The following GSTM2 variants were observed in gnomAD, a reference collection of about 807,000 sequenced individuals.
The protein encoded by GSTM2 is GST class-mu 2.
In GSTM2, 33 loss-of-function variants were observed where a neutral mutation model predicts 33.3. That is an observed-to-expected ratio of 0.99 (90% CI 0.75 to 1.33). The LOEUF (loss-of-function observed/expected upper bound fraction) is 1.33, where lower values mean the gene tolerates loss of function less well. Among genes scored for constraint, GSTM2 ranks in the 40% most tolerant of loss-of-function variants. The pLI, the probability that GSTM2 is intolerant of heterozygous loss-of-function variation, is 0.00. For missense variants in GSTM2, 213 were observed against 265.8 expected (o/e 0.80, Z 1.38); for synonymous variants, 93 against 95.6 (o/e 0.97, Z 0.16).
rs140199111 is a variant in GSTM2 at position 109,668,149 on chromosome 1, G to A, written c.34G>A (p.Gly12Arg). The change falls in exon 1 of 8, where the codon GGG (glycine) becomes AGG (arginine). Residue 12 changes from glycine (G) to arginine (R), a missense_variant and splice_region_variant. Coordinates refer to ENST00000241337, the MANE Select transcript of GSTM2 (RefSeq NM_000848.4). ...GACACTGGGGTACTGGAACATCCGCGGGGTGAGCCAGGGTCCGCTGGGCGG... is the reference window on the plus strand; with the variant it reads ...GACACTGGGGTACTGGAACATCCGCAGGGTGAGCCAGGGTCCGCTGGGCGG... ...PMTLGYWNIR[G>R]LAHSIRLLLE... The A allele has an allele frequency of 6.2e-7, 1 of 1,613,650 alleles. No homozygotes were observed. The highest frequency in any genetic ancestry group is 8.5e-7 in the Non-Finnish European group (1 of 1,179,630).
chr1:109,669,457 C>T lies in GSTM2; in HGVS notation c.260-14C>T. On this transcript the variant is annotated splice_polypyrimidine_tract_variant and intron_variant, in intron 4 of 7. Coordinates refer to ENST00000241337, the MANE Select transcript of GSTM2 (RefSeq NM_000848.4). ...GGCTGTGAGGCTGAGAGTGAATCTG[C>T]TTTACGAGGGTAGGCGGGGAATCAG... 3 of 1,613,620 alleles carry T rather than the reference C, an allele frequency of 1.9e-6. No individual in the cohort carries two copies. The highest frequency in any genetic ancestry group is 2.5e-6 in the Non-Finnish European group (3 of 1,179,510).
chr1:109,669,421 C>A (rs753263838), intron 4 of GSTM2, 50 bp downstream of exon 4: 4 of 1,613,164 alleles, frequency 2.5e-6, no homozygotes, highest in Non-Finnish European at 3.4e-6. Context: ...GCCTCCTCCT[C>A]GGCTTGGCTG....
At chr1:109,670,257 A>G (rs1179505673) in intron 5 of GSTM2, 1 of 152,188 alleles carries the variant, frequency 6.6e-6, no homozygotes, top group Non-Finnish European at 1.5e-5. Flanking sequence ...ACCTTTAGCT[A>G]GACACAGAGC....
intron 7 of GSTM2, among the ~76,000 whole-genome samples, chr1:109,674,027 T>G (rs1336453584): frequency 6.6e-6 from 1 of 152,230 alleles, no homozygotes; most frequent in Admixed American, 6.5e-5. Context: ...AGATACCAGA[T>G]GGAGAACCTT....
rs777411280 is a variant in GSTM2, at chr1:109,671,296, A to C, written c.370A>C (p.Lys124Gln). 6.8e-6 allele frequency: 11 copies of C among 1,612,766 alleles called. No individual in the cohort carries two copies. Among genetic ancestry groups the C allele is most frequent in the Non-Finnish European group, 8.5e-7 (1 of 1,178,872 alleles). ...CTGTTTTCTGCCTCAGGAGAAACTG[A>C]AACCAGAATACCTGCAGGCACTCCC... The part of the protein sequence containing the change: ...LCYDPDFEKL[K>Q]PEYLQALPEM... Residue 124 changes from lysine to glutamine, a missense_variant, in exon 6 of 8, where the codon AAA becomes CAA. Coordinates refer to ENST00000241337, the MANE Select transcript of GSTM2 (RefSeq NM_000848.4).
intron 7 of GSTM2, among the ~76,000 whole-genome samples, chr1:109,674,325 T>C (rs139614270): frequency 0.012 from 1,863 of 151,928 alleles, 23 homozygotes; most frequent in Non-Finnish European, 0.019. Flanking sequence ...AGGCCAGAAC[T>C]GGAGAGAGAC....
chr1:109,677,464 C>G (rs12024479), downstream of GSTM2, among the ~76,000 whole-genome samples: 59,915 of 152,088 alleles, frequency 0.39, 12,535 homozygotes, highest in Non-Finnish European at 0.47. Context: ...AATACTTACT[C>G]TGGTATAATG....
At chr1:109,679,342 G>C, downstream of GSTM2, among the ~76,000 whole-genome samples, 1 of 151,978 alleles carries the variant, frequency 6.6e-6, no homozygotes, top group East Asian at 1.9e-4. Flanking sequence ...ATGGTGGTGG[G>C]CACCTGTAAT....
chr1:109,668,135 A>G lies in GSTM2; in HGVS notation c.20A>G (p.Tyr7Cys). MPMTLG[Y>C]WNIRGLAHSI... is the part of the protein sequence containing the mutation. ...AGCACCATGCCCATGACACTGGGGT[A>G]CTGGAACATCCGCGGGGTGAGCCAG... Residue 7 changes from tyrosine to cysteine, a missense_variant, in exon 1 of 8, where the codon TAC (tyrosine) becomes TGC (cysteine). Transcript: ENST00000241337. 6.2e-7 allele frequency: 1 copy of G among 1,613,718 alleles called. No individual in the cohort carries two copies. Among genetic ancestry groups the G allele is most frequent in the South Asian group, 1.1e-5 (1 of 91,082 alleles).
chr1:109,669,642 T>C, intron 5 of GSTM2, 71 bp downstream of exon 5: 1 of 964,908 alleles, frequency 1.0e-6, no homozygotes, highest in Non-Finnish European at 1.6e-6. Flanking sequence ...GCAGAGTTTG[T>C]GTCCAAAATT....
downstream of GSTM2, among the ~76,000 whole-genome samples, chr1:109,678,759 CAAA>C (rs1179423525): frequency 4.3e-5 from 3 of 69,696 alleles, no homozygotes; most frequent in Admixed American, 3.2e-4. Flanking sequence ...GACTCCCTCT[CAAA>C]AAAAAAAAAA....
At chr1:109,678,333 TG>T (rs1287109022), downstream of GSTM2, among the ~76,000 whole-genome samples, 1 of 152,084 alleles carries the variant, frequency 6.6e-6, no homozygotes, top group Non-Finnish European at 1.5e-5. Context: ...GATGAGGTTT[TG>T]CCATGATGGC....
In GSTM2 at chr1:109,668,123, T is replaced by G. The variant is rs752485262; in HGVS notation, c.8T>G (p.Met3Arg). The G allele has an allele frequency of 5.6e-6, 9 of 1,613,416 alleles. No individual in the cohort carries two copies. The highest frequency in any genetic ancestry group is 6.8e-6 in the Non-Finnish European group (8 of 1,179,756). The change falls in exon 1 of 8, where the codon ATG becomes AGG. Residue 3 changes from methionine to arginine, a missense_variant. Transcript: ENST00000241337. Reference protein sequence around the residue: MPMTLGYWNIRGL... With the variant: MPRTLGYWNIRGL... Reference sequence around the variant, plus strand: ...TCCACAGCAACCAGCACCATGCCCATGACACTGGGGTACTGGAACATCCGC... The same window carrying G: ...TCCACAGCAACCAGCACCATGCCCAGGACACTGGGGTACTGGAACATCCGC...
At chr1:109,672,292 A>C (rs1647572267) in intron 7 of GSTM2, among the ~76,000 whole-genome samples, 1 of 152,176 alleles carries the variant, frequency 6.6e-6, no homozygotes, top group Non-Finnish European at 1.5e-5. Context: ...AACAAAAAAA[A>C]GAAGAAAAGA....
At chr1:109,668,231 G>A (rs1647406136) in intron 1 of GSTM2, 80 bp downstream of exon 1, 3 of 1,467,176 alleles carry the variant, frequency 2.0e-6, no homozygotes, top group Non-Finnish European at 2.8e-6. Context: ...ACGGGCTCTA[G>A]GGACGGTTCC....
At chr1:109,671,248 C>T (rs1350261184) in intron 5 of GSTM2, 39 bp from the exon 6 acceptor site, 1 of 1,456,114 alleles carries the variant, frequency 6.9e-7, no homozygotes, top group Non-Finnish European at 9.6e-7. Flanking sequence ...GTGCAGGGAG[C>T]TTGTGTCTGA....
rs75937853 is a variant in GSTM2, at chr1:109,669,583, C to T, written c.360+12C>T. ...ATGACCCAGATTTTGTAAGTCCCCCCACCCCACTCCCAGTCTCCCCTTCCC... is the reference window on the plus strand; with the variant it reads ...ATGACCCAGATTTTGTAAGTCCCCCTACCCCACTCCCAGTCTCCCCTTCCC... On this transcript the variant is annotated intron_variant, in intron 5 of 7. Transcript: ENST00000241337. 2 of 1,519,866 alleles carry T rather than the reference C, an allele frequency of 1.3e-6. No individual in the cohort carries two copies. Among genetic ancestry groups the T allele is most frequent in the Middle Eastern group, 1.7e-4 (1 of 5,898 alleles). The allele number at this position is 1,519,866 out of a possible 1,614,324, so 94.1% of individuals were successfully genotyped here.
At chr1:109,672,868 CTTTTTTTTTT>C (rs67187488) in intron 7 of GSTM2, among the ~76,000 whole-genome samples, 3 of 122,278 alleles carry the variant, frequency 2.5e-5, no homozygotes, top group African/African-American at 9.1e-5. Context: ...TTCTCTACCT[CTTTTTTTTTT>C]TTTTTTTTTG....
rs746945759 is a variant in GSTM2, at chr1:109,674,821, C to A, written c.642C>A (p.Val214=). The change falls in exon 8 of 8, where the codon GTC becomes GTA. Residue 214 remains valine, a synonymous_variant. Transcript: ENST00000241337. ...LPRPVFTKMA[V]WGNK is the part of the protein sequence containing the mutation. Reference sequence around the variant, plus strand: ...GACCTGTGTTCACAAAGATGGCTGTCTGGGGCAACAAGTAGGGCCTTGAAG... The same window carrying A: ...GACCTGTGTTCACAAAGATGGCTGTATGGGGCAACAAGTAGGGCCTTGAAG... 17 of 1,614,098 alleles carry A rather than the reference C, an allele frequency of 1.1e-5. No homozygotes were observed. In the South Asian group the frequency reaches 1.9e-4, roughly 18 times the overall value.
Sources: gnomAD v4.1 joint callset for allele counts (sites outside exome capture counted in the v4.1 genomes callset) on GRCh38, gnomAD v4.1.1 for gene constraint, MANE v1.5 for transcripts, NCBI Gene and HGNC (gene_info 2026-07-23, HGNC 2026-07-21) for gene names.